Variants in PLEKHA7 observed in about 807,000 individuals in gnomAD.
PLEKHA7 encodes pleckstrin homology domain-containing family A member 7.
In PLEKHA7, 104 loss-of-function variants were observed where a neutral mutation model predicts 170.0. The ratio of observed to expected loss-of-function variants is 0.61; its 90% CI spans 0.52 to 0.72. The LOEUF is 0.72. Ranked by LOEUF, PLEKHA7 falls within the 30% of genes least tolerant of loss-of-function variation. The pLI, the probability that PLEKHA7 is intolerant of heterozygous loss-of-function variation, is 0.00. For missense variants in PLEKHA7, 1,615 were observed against 1,671.7 expected (o/e 0.97, Z 0.59); for synonymous variants, 648 against 660.8 (o/e 0.98, Z 0.30).
intron 3 of PLEKHA7, among the ~76,000 whole-genome samples, chr11:16,889,781 C>A (rs575208945): frequency 2.6e-5 from 4 of 151,864 alleles, no homozygotes; most frequent in Non-Finnish European, 5.9e-5. Context: ...GCCTAGACAC[C>A]CAGATACAAG....
intron 3 of PLEKHA7, among the ~76,000 whole-genome samples, chr11:16,903,854 G>C (rs1173614473): frequency 1.3e-5 from 2 of 152,210 alleles, no homozygotes; most frequent in Non-Finnish European, 2.9e-5. Context: ...ACCTGGGGCA[G>C]CACACAGTCA....
intron 3 of PLEKHA7, among the ~76,000 whole-genome samples, chr11:16,952,291 G>C (rs964384220): frequency 6.6e-6 from 1 of 152,192 alleles, no homozygotes; most frequent in African/African-American, 2.4e-5. Flanking sequence ...AGTGAGAGGG[G>C]AAAGGGAGGT....
At chr11:16,842,162 G>GTTC (rs1852014001) in intron 8 of PLEKHA7, 1 of 166,730 alleles carries the variant, frequency 6.0e-6, no homozygotes, top group African/African-American at 2.4e-5. Flanking sequence ...GCTTGATGTG[G>GTTC]ATGTTCACTG....
chr11:16,943,271 T>C (rs1860808572), intron 3 of PLEKHA7, among the ~76,000 whole-genome samples: 1 of 152,048 alleles, frequency 6.6e-6, no homozygotes, highest in Non-Finnish European at 1.5e-5. Flanking sequence ...TTTTTTTTTC[T>C]AGTATTAAAT....
chr11:16,936,120 T>C (rs177562), intron 3 of PLEKHA7, among the ~76,000 whole-genome samples: 136,213 of 152,096 alleles, frequency 0.9, 61,057 homozygotes, highest in African/African-American at 0.94. Flanking sequence ...ATCAGGTCTC[T>C]GCAGGGCACA....
At chr11:16,877,904 A>G (rs1177520807) in intron 3 of PLEKHA7, among the ~76,000 whole-genome samples, 1 of 152,238 alleles carries the variant, frequency 6.6e-6, no homozygotes, top group Admixed American at 6.5e-5. Context: ...TACATGAAAG[A>G]ACCTTGCCAA....
chr11:16,832,270 T>A (rs1012480394), intron 9 of PLEKHA7, among the ~76,000 whole-genome samples: 14 of 152,188 alleles, frequency 9.2e-5, no homozygotes, highest in African/African-American at 3.4e-4. Context: ...CCACCTTAAA[T>A]TGGGTTGTTC....
intron 13 of PLEKHA7, among the ~76,000 whole-genome samples, chr11:16,803,965 CAA>C (rs1590172032): frequency 6.6e-6 from 1 of 152,204 alleles, no homozygotes. Flanking sequence ...AAGCAATATA[CAA>C]AAGTCACCCA....
chr11:16,906,485 T>A (rs1266518613), intron 3 of PLEKHA7, among the ~76,000 whole-genome samples: 1 of 140,846 alleles, frequency 7.1e-6, no homozygotes, highest in Non-Finnish European at 1.5e-5. Flanking sequence ...CATGCCTGAC[T>A]GGTTTTCGTA....
chr11:16,845,751 G>C (rs559053022), intron 8 of PLEKHA7, among the ~76,000 whole-genome samples: 1 of 152,152 alleles, frequency 6.6e-6, no homozygotes, highest in African/African-American at 2.4e-5. Context: ...GAAGAGGTTC[G>C]AGTCAGCAGA....
intron 23 of PLEKHA7, chr11:16,786,845 T>C (rs972232768): frequency 2.0e-6 from 2 of 985,310 alleles, no homozygotes; most frequent in African/African-American, 3.5e-5. Flanking sequence ...GATCTTTCTA[T>C]TGGGAATTTT....
At chr11:16,832,583 T>C (rs1045076799) in intron 9 of PLEKHA7, among the ~76,000 whole-genome samples, 5 of 152,212 alleles carry the variant, frequency 3.3e-5, no homozygotes, top group Non-Finnish European at 7.3e-5. Context: ...TATTTCCTCC[T>C]ATCTTAATGC....
intron 3 of PLEKHA7, among the ~76,000 whole-genome samples, chr11:16,966,909 A>G (rs1590741165): frequency 1.3e-5 from 2 of 152,194 alleles, no homozygotes; most frequent in Admixed American, 1.3e-4. Flanking sequence ...TCTCACAGCA[A>G]GAAGAGCTGC....
chr11:16,989,629 C>A (rs4141194), intron 3 of PLEKHA7, among the ~76,000 whole-genome samples: 31,718 of 152,186 alleles, frequency 0.21, 4,197 homozygotes, highest in East Asian at 0.38. Flanking sequence ...TCCATCTCCC[C>A]ACACTGGACT....
chr11:16,942,331 T>C (rs1055393744), intron 3 of PLEKHA7, among the ~76,000 whole-genome samples: 1 of 152,196 alleles, frequency 6.6e-6, no homozygotes, highest in Non-Finnish European at 1.5e-5. Flanking sequence ...GGGCTTCTAC[T>C]ATCAACCACT....
chr11:16,820,502 C>G (rs780489927), intron 10 of PLEKHA7, among the ~76,000 whole-genome samples: 24 of 151,638 alleles, frequency 1.6e-4, no homozygotes, highest in Non-Finnish European at 2.8e-4. Context: ...AAGTTAGACA[C>G]AAATGTGCCT....
At chr11:16,989,027 C>A (rs940975457) in intron 3 of PLEKHA7, among the ~76,000 whole-genome samples, 4 of 152,314 alleles carry the variant, frequency 2.6e-5, no homozygotes, top group Non-Finnish European at 4.4e-5. Context: ...CCCCAAATAG[C>A]CACATCTTCC....
chr11:16,848,015 A>G (rs1334063871), intron 8 of PLEKHA7, among the ~76,000 whole-genome samples: 1 of 152,208 alleles, frequency 6.6e-6, no homozygotes, highest in African/African-American at 2.4e-5. Context: ...CAATGCTTAC[A>G]GAGCACTTAC....
At chr11:16,788,993 G>A (rs1009269260) in intron 23 of PLEKHA7, 103 bp downstream of exon 23, 21 of 1,388,202 alleles carry the variant, frequency 1.5e-5, no homozygotes, top group Admixed American at 2.0e-5. Flanking sequence ...TAGGTCAATG[G>A]ACAGCTCTCT....
Sources: allele counts gnomAD v4.1 joint callset (sites outside exome capture counted in the v4.1 genomes callset), GRCh38; gene constraint gnomAD v4.1.1; transcripts MANE v1.5; gene names NCBI Gene and HGNC (gene_info 2026-07-23, HGNC 2026-07-21).